The following STS variants were observed in gnomAD, a reference collection of about 807,000 sequenced individuals.
STS encodes steroid sulfatase.
A neutral mutation model predicts 26.8 loss-of-function variants in STS; 7 were observed. That is an observed-to-expected ratio of 0.26 (90% CI 0.15 to 0.49). The LOEUF (loss-of-function observed/expected upper bound fraction) is 0.49, where lower values mean the gene tolerates loss of function less well. Among genes scored for constraint, STS ranks in the 20% least tolerant of loss-of-function variants. The probability of loss-of-function intolerance (pLI) is 0.98; values close to 1 mark genes in which losing one functional copy is unlikely to be tolerated. For missense variants in STS, 434 were observed against 465.6 expected (o/e 0.93, Z 0.63); for synonymous variants, 199 against 189.4 (o/e 1.05, Z -0.42).
chrX:7,259,074 A>G (rs1923588844), intron 5 of STS, among the ~76,000 whole-genome samples: 1 of 110,971 alleles, frequency 9.0e-6, no homozygotes, highest in Non-Finnish European at 1.9e-5. Context: ...TGGTAGAGTG[A>G]GTAGAGGATT....
At chrX:7,267,644 A>C (rs950956725) in intron 6 of STS, among the ~76,000 whole-genome samples, 1 of 112,178 alleles carries the variant, frequency 8.9e-6, no homozygotes, top group Non-Finnish European at 1.9e-5. Context: ...AGATATATAC[A>C]TGCCCACTTC....
intron 2 of STS, among the ~76,000 whole-genome samples, chrX:7,196,658 A>C (rs1260009014): frequency 8.9e-6 from 1 of 112,270 alleles, no homozygotes; most frequent in African/African-American, 3.2e-5. Flanking sequence ...TTAGTGGAAT[A>C]AATTATTTTC....
At chrX:7,312,938 T>G (rs1453820259) in intron 8 of STS, among the ~76,000 whole-genome samples, 2 of 112,237 alleles carry the variant, frequency 1.8e-5, no homozygotes, top group African/African-American at 6.5e-5. Context: ...CAGAATAACT[T>G]CCTTAAGATT....
intron 2 of STS, among the ~76,000 whole-genome samples, chrX:7,237,343 T>A (rs1430211127): frequency 1.8e-5 from 2 of 110,661 alleles, no homozygotes; most frequent in African/African-American, 6.6e-5. Flanking sequence ...AGAGACAGGA[T>A]TTCACCATGT....
At chrX:7,238,121 GGT>G (rs55819541) in intron 2 of STS, among the ~76,000 whole-genome samples, 2,940 of 88,435 alleles carry the variant, frequency 0.033, 55 homozygotes, top group South Asian at 0.093. Context: ...AGTATTCCAT[GGT>G]GTGTGTGTGT....
chrX:7,307,131 C>T (rs1378679703), intron 8 of STS, among the ~76,000 whole-genome samples: 3 of 111,136 alleles, frequency 2.7e-5, no homozygotes, highest in Non-Finnish European at 3.8e-5. Flanking sequence ...GCTCAGACCT[C>T]CTCCCAGCCC....
chrX:7,317,365 A>G (rs1290134530), intron 8 of STS, among the ~76,000 whole-genome samples: 7 of 110,662 alleles, frequency 6.3e-5, no homozygotes, highest in African/African-American at 2.3e-4. Context: ...GTCAAAATCT[A>G]TTGGCACAGG....
intron 2 of STS, among the ~76,000 whole-genome samples, chrX:7,228,827 A>G (rs1921931582): frequency 9.1e-6 from 1 of 110,466 alleles, no homozygotes; most frequent in African/African-American, 3.3e-5. Context: ...TTTACCTTTT[A>G]CTCTTTACAT....
In STS at chrX:7,320,002, T is replaced by TTA. The variant is rs1332346009; in HGVS notation, c.1082-5327_1082-5326dup. Among the ~76,000 whole-genome samples the TTA allele has an allele frequency of 6.1e-3, 492 of 81,119 alleles. 3 individuals are homozygous for TTA. Among genetic ancestry groups the TTA allele is most frequent in the African/African-American group, 0.027 (465 of 17,321 alleles). The allele number at this position is 81,119 out of a possible 115,157, so 70.4% of individuals were successfully genotyped here. ...TGTATATATATTTATATATATATTTTTATATATATATTTATATATATTTAT... is the reference window on the plus strand; with the variant it reads ...TGTATATATATTTATATATATATTTTTATATATATATATTTATATATATTTAT... On this transcript the variant is annotated intron_variant, in intron 8 of 10. Transcript: ENST00000674429.
Position 7,350,255 on chromosome X carries a change from C to G in STS, c.1731C>G (p.Ser577Arg), listed in dbSNP as rs151332463. 5.8e-4 allele frequency: 705 copies of G among 1,205,555 alleles called. 2 individuals carry two copies. The African/African-American group carries it at 0.011, about 18-fold the overall frequency. ...GAGAAAAACAGGATAAGAGACTGAG[C>G]CGCTAGCAGCGCCTGGGGACCAGAC... ...CDREKQDKRLSR is the reference protein window; with the variant it reads ...CDREKQDKRLRR The change falls in exon 11 of 11, where the codon AGC (serine) becomes AGG (arginine). Residue 577 changes from serine (S) to arginine (R), a missense_variant. Physicochemically the swap from Ser to Arg is moderately radical, Grantham distance 110. Around this residue, in one of 2 missense-constraint regions of STS, gnomAD observed 205 missense variants for 177.3 expected, o/e 1.16. Coordinates refer to ENST00000674429, the MANE Select transcript of STS (RefSeq NM_001320752.2).
rs560371714 is a variant in STS, at chrX:7,290,006, T to C, written c.943+13919T>C. Among the ~76,000 whole-genome samples, 14 of 111,800 alleles carry C rather than the reference T, an allele frequency of 1.3e-4. No homozygotes were observed. In the East Asian group the frequency reaches 3.7e-3, roughly 29 times the overall value. ...CTAGGAAAAAGAAGGAGGCAGAAAT[T>C]GGTCTATGTTCTCCTTGTTTCTGGA... On this transcript the variant is annotated intron_variant, in intron 7 of 10. Transcript: ENST00000674429.
chrX:7,252,397 C>A, intron 2 of STS: 1 of 467,543 alleles, frequency 2.1e-6, no homozygotes, highest in Non-Finnish European at 2.7e-6. Flanking sequence ...TTCCGGGGAA[C>A]CAAGCCAGGC....
At chrX:7,155,902 G>A (rs1057222541) in intron 1 of STS, among the ~76,000 whole-genome samples, 4 of 111,877 alleles carry the variant, frequency 3.6e-5, no homozygotes, top group Middle Eastern at 4.7e-3. Flanking sequence ...TAATCTCAGC[G>A]CTTTGGGAGG....
chrX:7,160,222 G>C (rs1272893026), intron 1 of STS, among the ~76,000 whole-genome samples: 1 of 112,474 alleles, frequency 8.9e-6, no homozygotes, highest in African/African-American at 3.2e-5. Flanking sequence ...CCCAAGAGCA[G>C]CATGTTAAGA....
chrX:7,324,220 A>G (rs1927244596), intron 8 of STS, among the ~76,000 whole-genome samples: 1 of 110,765 alleles, frequency 9.0e-6, no homozygotes, highest in Non-Finnish European at 1.9e-5. Context: ...AGAATTTCTG[A>G]TTGGCAGTTG....
intron 9 of STS, among the ~76,000 whole-genome samples, chrX:7,326,730 C>T (rs889069070): frequency 1.8e-5 from 2 of 112,090 alleles, no homozygotes; most frequent in Non-Finnish European, 3.8e-5. Flanking sequence ...GCGAATGTCA[C>T]GCAGGCGGCT....
At chrX:7,299,077 T>TATATTTATTTATATATA (rs1925821590) in intron 7 of STS, among the ~76,000 whole-genome samples, 1 of 93,308 alleles carries the variant, frequency 1.1e-5, no homozygotes, top group Non-Finnish European at 2.1e-5. Context: ...ATATATAAAT[T>TATATTTATTTATATATA]ATTTTATAAT....
intron 1 of STS, among the ~76,000 whole-genome samples, chrX:7,188,314 G>T (rs1230583950): frequency 9.0e-6 from 1 of 111,412 alleles, no homozygotes; most frequent in Non-Finnish European, 1.9e-5. Flanking sequence ...ATGCTTTGTT[G>T]ATTGAGGGCG....
At chrX:7,278,726 C>T (rs1248006864) in intron 7 of STS, among the ~76,000 whole-genome samples, 8 of 111,343 alleles carry the variant, frequency 7.2e-5, no homozygotes, top group Non-Finnish European at 1.3e-4. Context: ...AGATACAATT[C>T]TGCTCTGCAA....
Sources: allele counts gnomAD v4.1 joint callset (sites outside exome capture counted in the v4.1 genomes callset), GRCh38; gene constraint gnomAD v4.1.1; regional missense constraint gnomAD v4.1.1; transcripts MANE v1.5; gene names NCBI Gene and HGNC (gene_info 2026-07-23, HGNC 2026-07-21).